GULP1: variants seen among roughly 807,000 people sequenced by gnomAD.
GULP1 encodes the protein GULP PTB domain containing engulfment adaptor 1, also known as PTB domain-containing engulfment adapter protein 1.
Under a neutral mutation model 40.9 loss-of-function variants are expected in GULP1, and 19 were observed. The ratio of observed to expected loss-of-function variants is 0.46; its 90% CI spans 0.32 to 0.68. GULP1 has a LOEUF of 0.68. Ranked by LOEUF, GULP1 falls within the 30% of genes least tolerant of loss-of-function variation. GULP1 has a pLI of 0.03. For synonymous variants in GULP1, 119 were observed against 117.6 expected (o/e 1.01, Z -0.08); for missense variants, 312 against 362.2 (o/e 0.86, Z 1.12).
At chr2:188,456,755 T>C (rs188711880) in intron 2 of GULP1, among the ~76,000 whole-genome samples, 8 of 152,208 alleles carry the variant, frequency 5.3e-5, no homozygotes, top group Admixed American at 5.2e-4. Context: ...ATATATCTGC[T>C]GAGAGCTTGT....
intron 1 of GULP1, among the ~76,000 whole-genome samples, chr2:188,336,439 G>A (rs560074530): frequency 6.8e-4 from 103 of 152,254 alleles, no homozygotes; most frequent in African/African-American, 2.4e-3. Context: ...ACTGTTCTAG[G>A]TGCTGAAGAT....
In GULP1 at chr2:188,505,671, G is replaced by A. The variant is rs551407634; in HGVS notation, c.91-17085G>A. Among the ~76,000 whole-genome samples, 10 of 151,872 alleles carry A rather than the reference G, an allele frequency of 6.6e-5. No individual in the cohort carries two copies. In the East Asian group the frequency reaches 1.2e-3, roughly 18 times the overall value. On this transcript the variant is annotated intron_variant, in intron 4 of 11. Transcript: ENST00000409830. ...GATGTGCCATTCTGGGCTAGTAATA[G>A]AATTATCAGTGCACAGTCCTATTCA...
intron 2 of GULP1, among the ~76,000 whole-genome samples, chr2:188,385,592 A>G (rs754598418): frequency 6.6e-6 from 1 of 152,042 alleles, no homozygotes; most frequent in African/African-American, 2.4e-5. Flanking sequence ...TTTCTATTGC[A>G]TTGTCAGACT....
intron 2 of GULP1, among the ~76,000 whole-genome samples, chr2:188,474,645 CCT>C (rs1431003231): frequency 6.6e-6 from 1 of 152,118 alleles, no homozygotes; most frequent in Admixed American, 6.6e-5. Context: ...CTTTTCAGTG[CCT>C]CTTTCAGTGA....
chr2:188,459,452 T>C (rs2059531969), intron 2 of GULP1, among the ~76,000 whole-genome samples: 1 of 152,310 alleles, frequency 6.6e-6, no homozygotes, highest in Admixed American at 6.5e-5. Context: ...ATATGCCTAT[T>C]TATCATTTTG....
At chr2:188,329,837 G>A (rs1383357880) in intron 1 of GULP1, among the ~76,000 whole-genome samples, 1 of 152,158 alleles carries the variant, frequency 6.6e-6, no homozygotes, top group Non-Finnish European at 1.5e-5. Context: ...TTTGCTGATG[G>A]ATATAGGATA....
At chr2:188,358,754 A>G (rs892700556) in intron 1 of GULP1, among the ~76,000 whole-genome samples, 11 of 152,176 alleles carry the variant, frequency 7.2e-5, no homozygotes, top group Non-Finnish European at 1.3e-4. Flanking sequence ...ACAGTATTTT[A>G]TATGAAGAAA....
At chr2:188,474,526 G>T (rs1363906579) in intron 2 of GULP1, among the ~76,000 whole-genome samples, 1 of 152,158 alleles carries the variant, frequency 6.6e-6, no homozygotes, top group Non-Finnish European at 1.5e-5. Flanking sequence ...GGATAACACT[G>T]AGTTGAACGC....
At chr2:188,318,608 A>C (rs2106536908) in intron 1 of GULP1, among the ~76,000 whole-genome samples, 1 of 152,208 alleles carries the variant, frequency 6.6e-6, no homozygotes, top group Admixed American at 6.5e-5. Context: ...CATGCCCAGC[A>C]GTGCACCATA....
chr2:188,507,808 T>G (rs1221532892), intron 4 of GULP1, among the ~76,000 whole-genome samples: 1 of 151,932 alleles, frequency 6.6e-6, no homozygotes, highest in South Asian at 2.1e-4. Context: ...TTTCAATTAA[T>G]AAATGGAAGT....
chr2:188,491,986 TG>T (rs765347129), intron 4 of GULP1, among the ~76,000 whole-genome samples: 1 of 152,074 alleles, frequency 6.6e-6, no homozygotes, highest in Non-Finnish European at 1.5e-5. Context: ...TAGAACTAAG[TG>T]GTTTATTTTT....
chr2:188,579,068 A>G (rs575332384), intron 9 of GULP1, among the ~76,000 whole-genome samples: 2 of 152,144 alleles, frequency 1.3e-5, no homozygotes, highest in African/African-American at 2.4e-5. Context: ...TTATCCATAT[A>G]TTTAAATGTG....
intron 1 of GULP1, among the ~76,000 whole-genome samples, chr2:188,315,350 G>GA (rs939912960): frequency 1.3e-5 from 2 of 152,078 alleles, no homozygotes; most frequent in Non-Finnish European, 2.9e-5. Context: ...ATCTATAGGA[G>GA]AAAACATAGT....
chr2:188,478,178 A>T (rs563693303), intron 3 of GULP1, among the ~76,000 whole-genome samples: 23 of 152,212 alleles, frequency 1.5e-4, no homozygotes, highest in African/African-American at 5.1e-4. Context: ...AGATAGATTG[A>T]AAGCAATGAG....
chr2:188,331,738 C>T (rs2041615412), intron 1 of GULP1, among the ~76,000 whole-genome samples: 1 of 151,964 alleles, frequency 6.6e-6, no homozygotes, highest in Non-Finnish European at 1.5e-5. Flanking sequence ...GTTATCAATG[C>T]TTGATTATTT....
intron 1 of GULP1, among the ~76,000 whole-genome samples, chr2:188,370,851 C>T (rs1414907895): frequency 6.6e-6 from 1 of 151,962 alleles, no homozygotes; most frequent in Non-Finnish European, 1.5e-5. Flanking sequence ...TGTTACTTCC[C>T]TTTAAGCATG....
intron 4 of GULP1, among the ~76,000 whole-genome samples, chr2:188,505,021 TA>T (rs2063772889): frequency 1.3e-5 from 2 of 151,860 alleles, no homozygotes; most frequent in South Asian, 4.1e-4. Flanking sequence ...TAAGCTACCT[TA>T]AATAAATTTT....
intron 2 of GULP1, among the ~76,000 whole-genome samples, chr2:188,390,574 T>G (rs2050385123): frequency 6.6e-6 from 1 of 152,126 alleles, no homozygotes. Flanking sequence ...TGTCTGTTTA[T>G]TCTGTTGATT....
At chr2:188,591,069 C>T (rs942471778) in intron 11 of GULP1, 1 of 151,856 alleles carries the variant, frequency 6.6e-6, no homozygotes, top group Non-Finnish European at 1.5e-5. Context: ...AAATACATTA[C>T]ATATACATAA....
Sources: gnomAD v4.1 joint callset for allele counts (sites outside exome capture counted in the v4.1 genomes callset) on GRCh38, gnomAD v4.1.1 for gene constraint, MANE v1.5 for transcripts, NCBI Gene and HGNC (gene_info 2026-07-23, HGNC 2026-07-21) for gene names.